Variants in GRIN2A observed in about 807,000 individuals in gnomAD.
GRIN2A encodes glutamate receptor ionotropic, NMDA 2A.
In GRIN2A, 22 loss-of-function variants were observed where a neutral mutation model predicts 113.4. The ratio of observed to expected loss-of-function variants is 0.19; its 90% CI spans 0.14 to 0.28. The LOEUF (loss-of-function observed/expected upper bound fraction) is 0.28. GRIN2A is among the 10% of genes least tolerant of loss of function. The probability of loss-of-function intolerance (pLI) is 1.00; values close to 1 mark genes in which losing one functional copy is unlikely to be tolerated. For missense variants in GRIN2A, 1,502 were observed against 1,887.0 expected (o/e 0.80, Z 3.78); for synonymous variants, 827 against 738.4 (o/e 1.12, Z -1.94).
chr16:9,926,571 C>T (rs1418430926), intron 3 of GRIN2A, among the ~76,000 whole-genome samples: 3 of 152,144 alleles, frequency 2.0e-5, no homozygotes, highest in Non-Finnish European at 2.9e-5. Context: ...ATTGCTCATT[C>T]TAATATCTGC....
At chr16:10,052,019 G>A (rs1341651995) in intron 2 of GRIN2A, among the ~76,000 whole-genome samples, 1 of 152,206 alleles carries the variant, frequency 6.6e-6, no homozygotes, top group Admixed American at 6.5e-5. Flanking sequence ...TTTTACTGAA[G>A]ACTTCAAGGG....
chr16:9,882,071 A>AC (rs1283399498), intron 4 of GRIN2A, among the ~76,000 whole-genome samples: 3 of 152,228 alleles, frequency 2.0e-5, no homozygotes, highest in African/African-American at 7.2e-5. Context: ...ACACACACAC[A>AC]AACACACACA....
intron 3 of GRIN2A, among the ~76,000 whole-genome samples, chr16:9,934,678 TAAAAAAAAA>T (rs33916243): frequency 5.9e-5 from 3 of 50,944 alleles, no homozygotes; most frequent in Non-Finnish European, 1.0e-4. Context: ...AGACTCTGTC[TAAAAAAAAA>T]AAAAAAAAAA....
chr16:10,132,340 C>CAAAAAAAAAAAAAAAAAAAAAAAAAAAAA (rs71402435), intron 2 of GRIN2A, among the ~76,000 whole-genome samples: 8 of 61,632 alleles, frequency 1.3e-4, no homozygotes, highest in Non-Finnish European at 1.8e-4. Flanking sequence ...GACACCGTCT[C>CAAAAAAAAAAAAAAAAAAAAAAAAAAAAA]AAAAAAAAAA....
At chr16:10,116,697 G>A (rs1200575855) in intron 2 of GRIN2A, among the ~76,000 whole-genome samples, 2 of 152,124 alleles carry the variant, frequency 1.3e-5, no homozygotes, top group African/African-American at 4.8e-5. Flanking sequence ...GGTTACTTCT[G>A]GGGATAACAG....
intron 2 of GRIN2A, among the ~76,000 whole-genome samples, chr16:10,099,857 T>C (rs2048360023): frequency 6.6e-6 from 1 of 152,236 alleles, no homozygotes; most frequent in Admixed American, 6.5e-5. Flanking sequence ...TCCGTGAAGT[T>C]CCTGAGGTGC....
intron 11 of GRIN2A, among the ~76,000 whole-genome samples, chr16:9,788,607 T>TC (rs1479523700): frequency 1.3e-5 from 2 of 151,814 alleles, no homozygotes; most frequent in Non-Finnish European, 2.9e-5. Flanking sequence ...TCTCCTTTTT[T>TC]CCCCCTCTAA....
At chr16:9,933,745 C>A (rs1027597178) in intron 3 of GRIN2A, among the ~76,000 whole-genome samples, 6 of 152,102 alleles carry the variant, frequency 3.9e-5, no homozygotes, top group African/African-American at 1.2e-4. Context: ...TATAAAAAAA[C>A]CTAAATGTCC....
At chr16:10,040,866 G>A (rs1236905171) in intron 2 of GRIN2A, among the ~76,000 whole-genome samples, 4 of 152,358 alleles carry the variant, frequency 2.6e-5, no homozygotes, top group South Asian at 2.1e-4. Flanking sequence ...GAGCTGTGCC[G>A]ATGAGCCGTC....
intron 2 of GRIN2A, among the ~76,000 whole-genome samples, chr16:10,043,146 T>A (rs897695505): frequency 1.1e-4 from 16 of 152,226 alleles, no homozygotes; most frequent in Non-Finnish European, 1.8e-4. Flanking sequence ...TCTTAGACAC[T>A]TTTTACAGAT....
intron 2 of GRIN2A, among the ~76,000 whole-genome samples, chr16:10,111,019 C>G (rs955437444): frequency 6.6e-6 from 1 of 152,206 alleles, no homozygotes; most frequent in African/African-American, 2.4e-5. Flanking sequence ...GCTAGTATAT[C>G]AGCTCGACCA....
intron 4 of GRIN2A, among the ~76,000 whole-genome samples, chr16:9,860,596 T>C (rs2043051048): frequency 6.6e-6 from 1 of 152,142 alleles, no homozygotes; most frequent in South Asian, 2.1e-4. Flanking sequence ...ATCCCCCAAT[T>C]AGAAGTGGAT....
chr16:10,128,429 G>A lies in GRIN2A; in HGVS notation c.414+51569C>T, dbSNP rs532856989. On this transcript the variant is annotated intron_variant, in intron 2 of 12. Transcript: ENST00000330684. ...TAAGGACATTCTGATGGAAGGAGCTGTAATATTAACCTATCTGGGAAGTGT... is the reference window on the plus strand; with the variant it reads ...TAAGGACATTCTGATGGAAGGAGCTATAATATTAACCTATCTGGGAAGTGT... Among the ~76,000 whole-genome samples the A allele has an allele frequency of 5.9e-5, 9 of 152,320 alleles. No homozygotes were observed. The South Asian group carries it at 8.3e-4, about 14-fold the overall frequency.
chr16:9,978,728 A>G (rs2045824439), intron 2 of GRIN2A, among the ~76,000 whole-genome samples: 1 of 152,214 alleles, frequency 6.6e-6, no homozygotes, highest in Non-Finnish European at 1.5e-5. Flanking sequence ...CAAGGAATCA[A>G]CAATTGGCAT....
At chr16:9,945,093 G>A (rs2044986359) in intron 2 of GRIN2A, among the ~76,000 whole-genome samples, 1 of 152,174 alleles carries the variant, frequency 6.6e-6, no homozygotes, top group Admixed American at 6.5e-5. Context: ...GGCCAAGGAA[G>A]AAGGATAGCT....
At position 10,180,400 on chromosome 16, in the gene GRIN2A, C is replaced by A. The variant is rs1405215133; in HGVS notation, c.12G>T (p.Val4=). The A allele has an allele frequency of 6.2e-7, 1 of 1,606,358 alleles. No individual in the cohort carries two copies. The highest frequency in any genetic ancestry group is 8.5e-7 in the Non-Finnish European group (1 of 1,179,818). The part of the protein sequence containing the change: MGR[V]GYWTLLVLPA... ...GCAGCACCAGCAGGGTCCAATAGCC[C>A]ACTCTGCCCATAGTCGCCACTGACG... Residue 4 remains valine (V), a synonymous_variant, in exon 2 of 13, where the codon GTG becomes GTT. Transcript: ENST00000330684. This position sits in a 1 kb window ranked among gnomAD's most constrained non-coding sequence, Gnocchi z 7.0.
At position 9,949,059 on chromosome 16, in the gene GRIN2A, A is replaced by ACT. The variant is rs200085710; in HGVS notation, c.415-10510_415-10509dup. On this transcript the variant is annotated intron_variant, in intron 2 of 12. Coordinates refer to ENST00000330684, the MANE Select transcript of GRIN2A (RefSeq NM_001134407.3). ...AGGTAGGGGACTAATGTGGGAGCTCACTGAGGAAATAGGAAACAGCTGCCG... is the reference window on the plus strand; with the variant it reads ...AGGTAGGGGACTAATGTGGGAGCTCACTCTGAGGAAATAGGAAACAGCTGCCG... 1.1e-3 allele frequency among the ~76,000 whole-genome samples: 171 copies of ACT among 152,274 alleles called. 1 individual carries two copies. In the East Asian group the frequency reaches 0.027, roughly 24 times the overall value.
intron 3 of GRIN2A, among the ~76,000 whole-genome samples, chr16:9,937,256 TA>T (rs550154160): frequency 3.3e-5 from 5 of 150,612 alleles, no homozygotes; most frequent in East Asian, 1.9e-4. Flanking sequence ...ATCAATAGGG[TA>T]AAAAAAAACA....
intron 11 of GRIN2A, among the ~76,000 whole-genome samples, chr16:9,788,526 G>T (rs753080737): frequency 6.6e-6 from 1 of 151,986 alleles, no homozygotes; most frequent in African/African-American, 2.4e-5. Context: ...CTAAAGTGCC[G>T]GGATTACAGG....
Sources: allele counts gnomAD v4.1 joint callset (sites outside exome capture counted in the v4.1 genomes callset), GRCh38; gene constraint gnomAD v4.1.1; non-coding constraint Gnocchi (gnomAD v3.1); transcripts MANE v1.5; gene names NCBI Gene and HGNC (gene_info 2026-07-23, HGNC 2026-07-21).